SFRP1: variants seen among roughly 807,000 people sequenced by gnomAD.
SFRP1 encodes secreted frizzled-related protein 1.
In SFRP1, 9 loss-of-function variants were observed where a neutral mutation model predicts 25.9. The ratio of observed to expected loss-of-function variants is 0.35; its 90% confidence interval spans 0.21 to 0.61. The LOEUF (loss-of-function observed/expected upper bound fraction) is 0.61, where lower values mean the gene tolerates loss of function less well. Among genes scored for constraint, SFRP1 ranks in the 20% least tolerant of loss-of-function variants. SFRP1 has a pLI of 0.78. For synonymous variants in SFRP1, 178 were observed against 174.0 expected (o/e 1.02, Z -0.18); for missense variants, 346 against 418.2 (o/e 0.83, Z 1.51).
intron 2 of SFRP1, among the ~76,000 whole-genome samples, chr8:41,278,038 G>A (rs545025407): frequency 7.9e-5 from 12 of 152,264 alleles, no homozygotes; most frequent in African/African-American, 2.9e-4. Context: ...TTGTCACCTT[G>A]GTTATTCACA....
intron 2 of SFRP1, among the ~76,000 whole-genome samples, chr8:41,301,684 G>T (rs536350461): frequency 1.3e-5 from 2 of 152,328 alleles, no homozygotes; most frequent in African/African-American, 4.8e-5. Context: ...CAAATAAGAG[G>T]ACTGGATAAG....
chr8:41,302,365 A>G (rs1481470414), intron 2 of SFRP1, among the ~76,000 whole-genome samples: 4 of 152,186 alleles, frequency 2.6e-5, no homozygotes, highest in African/African-American at 4.8e-5. Context: ...GTGTCCTCCC[A>G]CATGTGTGCA....
chr8:41,278,992 A>G (rs1018639738), intron 2 of SFRP1, among the ~76,000 whole-genome samples: 2 of 151,930 alleles, frequency 1.3e-5, no homozygotes, highest in South Asian at 4.2e-4. Flanking sequence ...CTTCTCCTTG[A>G]TGCCTCCCCA....
At chr8:41,274,287 A>T (rs190031135) in intron 2 of SFRP1, among the ~76,000 whole-genome samples, 1 of 152,358 alleles carries the variant, frequency 6.6e-6, no homozygotes, top group East Asian at 1.9e-4. Flanking sequence ...TAGGAAAGAG[A>T]ACTCAGGCAG....
intron 2 of SFRP1, among the ~76,000 whole-genome samples, chr8:41,283,783 G>T (rs531694006): frequency 5.3e-5 from 8 of 152,056 alleles, no homozygotes; most frequent in African/African-American, 1.9e-4. Context: ...GGCTGGTCTC[G>T]AACTCCTGAC....
intron 2 of SFRP1, among the ~76,000 whole-genome samples, chr8:41,287,116 C>T (rs548338674): frequency 2.0e-5 from 3 of 152,306 alleles, no homozygotes; most frequent in East Asian, 3.9e-4. Flanking sequence ...CCAGTTTCTC[C>T]GGTGCCACAC....
At position 41,267,863 on chromosome 8, in the gene SFRP1, G is replaced by A. The variant is rs1477136661; in HGVS notation, c.623-2374C>T. 2.6e-5 allele frequency among the ~76,000 whole-genome samples: 4 copies of A among 152,170 alleles called. No homozygotes were observed. In the East Asian group the frequency reaches 7.7e-4, roughly 29 times the overall value. On this transcript the variant is annotated intron_variant, in intron 2 of 2. Transcript: ENST00000220772. ...CTTTAGAATGGACCCCAAACTTGGA[G>A]TACTGATTAAATGGACCAAGAAGAT...
At chr8:41,266,863 G>A (rs1051214496) in intron 2 of SFRP1, among the ~76,000 whole-genome samples, 2 of 152,150 alleles carry the variant, frequency 1.3e-5, no homozygotes, top group Non-Finnish European at 2.9e-5. Flanking sequence ...ACTCAGCAAG[G>A]GAAAGTTAAA....
Position 41,306,318 on chromosome 8 carries a change from A to C in SFRP1, c.544+2298T>G, listed in dbSNP as rs146000878. ...AGATATGACACTGCTTTGAAAATGC[A>C]TTTTAATTTTAAAGAATAAAAGCAT... On this transcript the variant is annotated intron_variant, in intron 1 of 2. Coordinates refer to ENST00000220772, the MANE Select transcript of SFRP1 (RefSeq NM_003012.5). Among the ~76,000 whole-genome samples, 1,019 of 152,366 alleles carry C rather than the reference A, an allele frequency of 6.7e-3. 15 individuals are homozygous for C. The highest frequency in any genetic ancestry group is 0.023 in the African/African-American group (975 of 41,590).
chr8:41,288,811 C>T (rs1401051401), intron 2 of SFRP1, among the ~76,000 whole-genome samples: 4 of 152,202 alleles, frequency 2.6e-5, no homozygotes, highest in Non-Finnish European at 4.4e-5. Context: ...CTACCCTATG[C>T]AGCGGAAGGG....
chr8:41,284,788 G>A (rs1378689665), intron 2 of SFRP1, among the ~76,000 whole-genome samples: 7 of 152,224 alleles, frequency 4.6e-5, no homozygotes, highest in South Asian at 2.1e-4. Context: ...GCTGGTAAGC[G>A]CAGGCAAGTG....
rs565114665 is a variant in SFRP1 at position 41,278,651 on chromosome 8, G to A, written c.623-13162C>T. 3.9e-5 allele frequency among the ~76,000 whole-genome samples: 6 copies of A among 152,288 alleles called. No individual in the cohort carries two copies. The South Asian group carries it at 6.2e-4, about 16-fold the overall frequency. ...CCAGGGGCCTTGCTTGCATGTGCCC[G>A]AGGCCAGCCCTGCAGGGCAGACAGT... On this transcript the variant is annotated intron_variant, in intron 2 of 2. Transcript: ENST00000220772.
Position 41,265,112 on chromosome 8 carries a change from T to TCCCCCCC in SFRP1, c.*48_*54dup. Reference sequence around the variant, plus strand: ...GACCCACCGGGTTCCCGGGGCACTGTCCCCCCCGCTCCCACCCCACCCGAG... The same window carrying TCCCCCCC: ...GACCCACCGGGTTCCCGGGGCACTGTCCCCCCCCCCCCCCGCTCCCACCCCACCCGAG... On this transcript the variant is annotated 3_prime_UTR_variant, in exon 3 of 3. Transcript: ENST00000220772. The TCCCCCCC allele has an allele frequency of 5.8e-6, 3 of 517,774 alleles. No homozygotes were observed. The highest frequency in any genetic ancestry group is 7.2e-6 in the Non-Finnish European group (2 of 279,106). The allele number at this position is 517,774 out of a possible 1,614,324, so 32.1% of individuals were successfully genotyped here.
At chr8:41,295,744 A>T (rs1585518300) in intron 2 of SFRP1, among the ~76,000 whole-genome samples, 3 of 144,982 alleles carry the variant, frequency 2.1e-5, no homozygotes, top group African/African-American at 7.6e-5. Context: ...TATCTGCAGC[A>T]TTTTTTTTTT....
At chr8:41,283,849 C>A (rs927101737) in intron 2 of SFRP1, among the ~76,000 whole-genome samples, 2 of 152,144 alleles carry the variant, frequency 1.3e-5, no homozygotes, top group African/African-American at 4.8e-5. Flanking sequence ...AGGTGTGAGC[C>A]ACCACGCCCG....
intron 2 of SFRP1, among the ~76,000 whole-genome samples, chr8:41,274,470 T>A (rs2117486368): frequency 6.6e-6 from 1 of 152,332 alleles, no homozygotes; most frequent in South Asian, 2.1e-4. Context: ...AATATTTACA[T>A]AATTATAATA....
rs559919181 is a variant in SFRP1 at position 41,263,272 on chromosome 8, T to C, written c.*1895A>G. 2 of 152,776 alleles carry C rather than the reference T, an allele frequency of 1.3e-5. No individual in the cohort carries two copies. Among genetic ancestry groups the C allele is most frequent in the East Asian group, 3.9e-4 (2 of 5,190 alleles). The allele number at this position is 152,776 out of a possible 1,614,324, so 9.5% of individuals were successfully genotyped here. A position where few individuals can be genotyped will look rare whatever the true frequency, so the allele number is the denominator to read the frequency against. On this transcript the variant is annotated 3_prime_UTR_variant, in exon 3 of 3. Transcript: ENST00000220772. ...AATATTTCTAATTAGCTAATATATA[T>C]ACACATTTTTTAATCATCCAAAATT...
intron 2 of SFRP1, among the ~76,000 whole-genome samples, chr8:41,280,752 C>T (rs1005389040): frequency 8.5e-5 from 13 of 152,200 alleles, no homozygotes; most frequent in African/African-American, 3.1e-4. Flanking sequence ...GAGGGACAAA[C>T]AGCCCCAGCC....
intron 2 of SFRP1, among the ~76,000 whole-genome samples, chr8:41,288,413 C>G (rs967126677): frequency 6.6e-6 from 1 of 151,408 alleles, no homozygotes; most frequent in Non-Finnish European, 1.5e-5. Context: ...TGCTATGCAC[C>G]TGCAGTCCCT....
Sources: allele counts gnomAD v4.1 joint callset (sites outside exome capture counted in the v4.1 genomes callset), GRCh38; gene constraint gnomAD v4.1.1; transcripts MANE v1.5; gene names NCBI Gene and HGNC (gene_info 2026-07-23, HGNC 2026-07-21).